PLB1: variants seen among roughly 807,000 people sequenced by gnomAD.
PLB1 encodes phospholipase B1.
PLB1 carries 242 observed loss-of-function variants against 227.4 expected under a neutral mutation model. The ratio of observed to expected loss-of-function variants is 1.06; its 90% CI spans 0.96 to 1.18. PLB1 has a LOEUF of 1.18. Among genes scored for constraint, PLB1 ranks in the 50% most tolerant of loss-of-function variants. The pLI is 0.00. For missense variants in PLB1, 1,858 were observed against 1,816.3 expected (o/e 1.02, Z -0.42); for synonymous variants, 757 against 682.2 (o/e 1.11, Z -1.71).
chr2:28,616,036 A>T (rs1353294886), intron 44 of PLB1, among the ~76,000 whole-genome samples: 7 of 152,338 alleles, frequency 4.6e-5, no homozygotes, highest in African/African-American at 1.2e-4. Context: ...ACTTCACAGA[A>T]GTAGAGTATA....
intron 17 of PLB1, among the ~76,000 whole-genome samples, chr2:28,557,224 T>C (rs1194724785): frequency 6.6e-6 from 1 of 152,168 alleles, no homozygotes; most frequent in Admixed American, 6.5e-5. Flanking sequence ...CTTCGAGATC[T>C]GTAAAGTCCC....
At chr2:28,496,293 G>T in intron 1 of PLB1, 124 bp downstream of exon 1, 1 of 985,208 alleles carries the variant, frequency 1.0e-6, no homozygotes, top group South Asian at 1.6e-5. Flanking sequence ...AAAGCGTACA[G>T]TTCAAGAATA....
chr2:28,560,436 T>TGTA (rs1199842587), intron 17 of PLB1, among the ~76,000 whole-genome samples: 1 of 152,160 alleles, frequency 6.6e-6, no homozygotes, highest in South Asian at 2.1e-4. Context: ...GGTAGGTAGA[T>TGTA]GTAGTACCTG....
rs1271491135 is a variant in PLB1 at position 28,628,551 on chromosome 2, T to C, written c.3661-12T>C. 6.2e-7 allele frequency: 1 copy of C among 1,613,912 alleles called. No homozygotes were observed. The highest frequency in any genetic ancestry group is 1.3e-5 in the African/African-American group (1 of 75,022). ...ACCAGGGGCTAAAGAGAGTACCCTT[T>C]TTTCCTTACAGGAGGCCCACTTGGC... On this transcript the variant is annotated splice_polypyrimidine_tract_variant and intron_variant, in intron 51 of 57. Transcript: ENST00000327757.
intron 46 of PLB1, 55 bp from the exon 47 acceptor site, chr2:28,620,210 T>C (rs1316629769): frequency 4.6e-6 from 6 of 1,316,076 alleles, no homozygotes; most frequent in Non-Finnish European, 6.2e-6. Context: ...GAGGAGGCTC[T>C]TCCAGTGCCC....
At chr2:28,583,411 T>G (rs1382426857) in intron 25 of PLB1, among the ~76,000 whole-genome samples, 1 of 152,106 alleles carries the variant, frequency 6.6e-6, no homozygotes, top group Non-Finnish European at 1.5e-5. Context: ...CCCGAACTGC[T>G]GACCTCAGGT....
At chr2:28,503,246 G>C (rs762512495) in intron 1 of PLB1, among the ~76,000 whole-genome samples, 3 of 151,362 alleles carry the variant, frequency 2.0e-5, no homozygotes, top group Non-Finnish European at 4.4e-5. Flanking sequence ...TCGACCTCTG[G>C]GCCTCAAGAG....
At chr2:28,579,550 A>T (rs1679562411) in intron 22 of PLB1, 77 bp from the exon 23 acceptor site, 1 of 1,166,106 alleles carries the variant, frequency 8.6e-7, no homozygotes, top group Non-Finnish European at 1.3e-6. Context: ...CATCTTTTCT[A>T]GTTTGCAAGC....
intron 23 of PLB1, 27 bp downstream of exon 23, chr2:28,579,734 ACT>A: frequency 6.3e-7 from 1 of 1,581,294 alleles, no homozygotes; most frequent in Non-Finnish European, 8.7e-7. Context: ...TTTACTCAAG[ACT>A]CACCCCCAGA....
At chr2:28,605,144 C>G (rs894061376) in intron 41 of PLB1, among the ~76,000 whole-genome samples, 9 of 152,232 alleles carry the variant, frequency 5.9e-5, no homozygotes, top group Non-Finnish European at 1.2e-4. Flanking sequence ...CTCCAGATGA[C>G]TAGTTTTCTG....
chr2:28,543,412 C>A, intron 14 of PLB1, 144 bp downstream of exon 14: 1 of 828,014 alleles, frequency 1.2e-6, no homozygotes. Flanking sequence ...GCTTCTGTCT[C>A]CCGGTGACGC....
At chr2:28,552,593 A>G (rs562636455) in intron 16 of PLB1, among the ~76,000 whole-genome samples, 1 of 152,286 alleles carries the variant, frequency 6.6e-6, no homozygotes, top group South Asian at 2.1e-4. Context: ...TCACGTTGAG[A>G]ATGACCACTC....
intron 1 of PLB1, among the ~76,000 whole-genome samples, chr2:28,507,642 C>G (rs770552207): frequency 5.3e-5 from 8 of 152,148 alleles, no homozygotes; most frequent in Non-Finnish European, 1.0e-4. Flanking sequence ...AAATGTGATG[C>G]AAAAGTAAGG....
At chr2:28,509,999 G>A (rs755910092) in intron 1 of PLB1, among the ~76,000 whole-genome samples, 2 of 152,136 alleles carry the variant, frequency 1.3e-5, no homozygotes, top group African/African-American at 2.4e-5. Context: ...TCCCAGGAAC[G>A]CTTTATTGTG....
At chr2:28,524,827 G>C (rs1670002001) in intron 4 of PLB1, among the ~76,000 whole-genome samples, 1 of 147,214 alleles carries the variant, frequency 6.8e-6, no homozygotes, top group Non-Finnish European at 1.5e-5. Context: ...TTCTCTGTAG[G>C]TTCTCTCTCT....
intron 44 of PLB1, among the ~76,000 whole-genome samples, chr2:28,614,680 C>T (rs1295421637): frequency 6.6e-6 from 1 of 152,190 alleles, no homozygotes; most frequent in Non-Finnish European, 1.5e-5. Flanking sequence ...GCAGTCAGGC[C>T]TGGTCCGGAT....
At chr2:28,593,778 C>T in intron 33 of PLB1, 24 bp downstream of exon 33, 1 of 1,593,012 alleles carries the variant, frequency 6.3e-7, no homozygotes. Flanking sequence ...TTGACCTCTC[C>T]CAGCGTTCCC....
rs4264530 is a variant in PLB1 at position 28,524,272 on chromosome 2, A to G, written c.244-995A>G. On this transcript the variant is annotated intron_variant, in intron 4 of 57. Transcript: ENST00000327757. ...AGAAAATTCACATCAGAAACTGAAAATAATACAACCAAGGAGAGCTAAGAT... is the reference window on the plus strand; with the variant it reads ...AGAAAATTCACATCAGAAACTGAAAGTAATACAACCAAGGAGAGCTAAGAT... Among the ~76,000 whole-genome samples, 1,182 of 152,298 alleles carry G rather than the reference A, an allele frequency of 7.8e-3. 8 individuals carry two copies. The highest frequency in any genetic ancestry group is 0.027 in the African/African-American group (1,107 of 41,550).
At chr2:28,515,224 T>G (rs748422548) in intron 1 of PLB1, among the ~76,000 whole-genome samples, 53 of 152,176 alleles carry the variant, frequency 3.5e-4, no homozygotes, top group Non-Finnish European at 2.6e-4. Context: ...TCTATTCCAC[T>G]CCCCCTGGAG....
Sources: allele counts gnomAD v4.1 joint callset (sites outside exome capture counted in the v4.1 genomes callset), GRCh38; gene constraint gnomAD v4.1.1; transcripts MANE v1.5; gene names NCBI Gene and HGNC (gene_info 2026-07-23, HGNC 2026-07-21).